LRRK1: variants seen among roughly 807,000 people sequenced by gnomAD.
LRRK1 encodes the protein leucine-rich repeat serine/threonine-protein kinase 1.
A neutral mutation model predicts 209.1 loss-of-function variants in LRRK1; 113 were observed. The ratio of observed to expected loss-of-function variants is 0.54; its 90% CI spans 0.46 to 0.63. LRRK1 has a LOEUF of 0.63. LRRK1 is among the 30% of genes least tolerant of loss of function. The probability of loss-of-function intolerance (pLI) is 0.00; values close to 1 mark genes in which losing one functional copy is unlikely to be tolerated. For synonymous variants in LRRK1, 1,144 were observed against 1,099.7 expected, an observed-to-expected ratio of 1.04 and a Z score of -0.80; for missense variants, 2,284 against 2,632.2, an observed-to-expected ratio of 0.87 and a Z score of 2.89.
chr15:101,022,336 G>C lies in LRRK1; in HGVS notation c.1853-47G>C, dbSNP rs1376122744. ...CAGGATTTTGTGTCCTAAGAGATGTGAGCATGTGCCCACGCAGCTACCCTT... is the reference window on the plus strand; with the variant it reads ...CAGGATTTTGTGTCCTAAGAGATGTCAGCATGTGCCCACGCAGCTACCCTT... On this transcript the variant is annotated intron_variant, in intron 14 of 33. Coordinates refer to ENST00000388948, the MANE Select transcript of LRRK1 (RefSeq NM_024652.6). The surrounding 1 kb of genome is among the most constrained non-coding windows in gnomAD (Gnocchi z 4.0). 6.4e-7 allele frequency: 1 copy of C among 1,556,794 alleles called. No individual in the cohort carries two copies. The highest frequency in any genetic ancestry group is 1.4e-5 in the African/African-American group (1 of 73,934).
Position 101,069,544 on chromosome 15 carries a change from C to CA in LRRK1, c.*697dup, listed in dbSNP as rs1181179436. On this transcript the variant is annotated 3_prime_UTR_variant, in exon 34 of 34. Coordinates refer to ENST00000388948, the MANE Select transcript of LRRK1 (RefSeq NM_024652.6). ...TCCGAGTGCACCCGCTTAGCCTTTACATTCCTCTCCACCGACAAAAGGAAG... is the reference window on the plus strand; with the variant it reads ...TCCGAGTGCACCCGCTTAGCCTTTACAATTCCTCTCCACCGACAAAAGGAAG... 6.6e-6 allele frequency: 1 copy of CA among 152,670 alleles called. No individual in the cohort carries two copies. The allele number at this position is 152,670 out of a possible 1,614,324, so 9.5% of individuals were successfully genotyped here.
chr15:100,941,472 G>GTCTGTGTGTGTCTATGTC (rs1567191284), intron 2 of LRRK1, among the ~76,000 whole-genome samples: 1 of 145,788 alleles, frequency 6.9e-6, no homozygotes, highest in African/African-American at 2.6e-5. Flanking sequence ...CTCTGTGTGT[G>GTCTGTGTGTGTCTATGTC]TGTGTGTGTG....
chr15:100,941,456 C>CTGTGTG (rs1567191180), intron 2 of LRRK1, among the ~76,000 whole-genome samples: 7 of 5,656 alleles, frequency 1.2e-3, no homozygotes, highest in Admixed American at 2.9e-3. Context: ...CTGTGTGTGT[C>CTGTGTG]TATGTCTCTG....
chr15:100,997,502 G>A lies in LRRK1; in HGVS notation c.762+8104G>A, dbSNP rs148183020. Among the ~76,000 whole-genome samples the A allele has an allele frequency of 2.8e-3, 422 of 152,224 alleles. 4 individuals are homozygous for A. Among genetic ancestry groups the A allele is most frequent in the African/African-American group, 9.0e-3 (373 of 41,544 alleles). On this transcript the variant is annotated intron_variant, in intron 6 of 33. Transcript: ENST00000388948. Reference sequence around the variant, plus strand: ...GTTAATTTACATATAAGAAAACACTGGCAGTAAATCATGGCATGGAAACAT... The same window carrying A: ...GTTAATTTACATATAAGAAAACACTAGCAGTAAATCATGGCATGGAAACAT...
intron 2 of LRRK1, among the ~76,000 whole-genome samples, chr15:100,950,914 T>C (rs187597727): frequency 0.015 from 2,286 of 152,130 alleles, 44 homozygotes; most frequent in African/African-American, 0.041. Context: ...CCATCCTGGC[T>C]AACACGGTGA....
chr15:100,997,091 G>GATATAGATATA (rs2032455511), intron 6 of LRRK1, among the ~76,000 whole-genome samples: 1 of 130,156 alleles, frequency 7.7e-6, no homozygotes, highest in Admixed American at 7.9e-5. Context: ...CATATCTATA[G>GATATAGATATA]ATCTTATATC....
chr15:100,980,413 G>A (rs560024730), intron 3 of LRRK1, among the ~76,000 whole-genome samples: 145 of 152,304 alleles, frequency 9.5e-4, no homozygotes, highest in African/African-American at 3.4e-3. Context: ...TAGAGATGGT[G>A]AAAAGGAAGA....
chr15:100,969,187 G>T (rs2030694862), intron 2 of LRRK1, among the ~76,000 whole-genome samples: 1 of 152,096 alleles, frequency 6.6e-6, no homozygotes, highest in South Asian at 2.1e-4. Context: ...GGAGTTATAC[G>T]AGTTTTTATA....
At chr15:101,050,162 T>G (rs947580499) in intron 23 of LRRK1, among the ~76,000 whole-genome samples, 1 of 152,124 alleles carries the variant, frequency 6.6e-6, no homozygotes, top group Non-Finnish European at 1.5e-5. Flanking sequence ...AGCCGGCAGA[T>G]GGAAATTTAT....
In LRRK1 at chr15:101,057,004, G is replaced by C. The variant is rs775480216; in HGVS notation, c.4481G>C (p.Arg1494Pro). 5 of 1,613,798 alleles carry C rather than the reference G, an allele frequency of 3.1e-6. No homozygotes were observed. The African/African-American group carries it at 5.3e-5, about 17-fold the overall frequency. The change falls in exon 28 of 34, where the codon CGA (arginine) becomes CCA (proline). Residue 1494 changes from arginine to proline, a missense_variant. Physicochemically the swap from Arg to Pro is moderately radical, Grantham distance 103 (BLOSUM62 -2). This residue lies in a region of LRRK1 where 643 missense variants were observed against 695.9 expected (regional missense o/e 0.92). Transcript: ENST00000388948. ...CAGCCGGAGGAAGTGCAGTTCCGGC[G>C]ACTGCAGGCGCTCATGATGGAGTGC... Reference protein sequence around the residue: ...LGQPEEVQFRRLQALMMECWD... With the variant: ...LGQPEEVQFRPLQALMMECWD...
intron 5 of LRRK1, among the ~76,000 whole-genome samples, 173 bp downstream of exon 5, chr15:100,988,986 C>T (rs12910713): frequency 0.12 from 17,865 of 152,314 alleles, 1,110 homozygotes; most frequent in African/African-American, 0.14. Flanking sequence ...TTCCTCATTT[C>T]CTCCTTACTT....
At chr15:100,966,626 C>T (rs574491059) in intron 2 of LRRK1, among the ~76,000 whole-genome samples, 2 of 152,298 alleles carry the variant, frequency 1.3e-5, no homozygotes, top group Non-Finnish European at 2.9e-5. Context: ...TAAATGCATA[C>T]GCATTAACTG....
At position 100,943,559 on chromosome 15, in the gene LRRK1, A is replaced by G. The variant is rs557291990; in HGVS notation, c.97+18830A>G. Among the ~76,000 whole-genome samples, 11 of 151,946 alleles carry G rather than the reference A, an allele frequency of 7.2e-5. No homozygotes were observed. The South Asian group carries it at 1.7e-3, about 23-fold the overall frequency. On this transcript the variant is annotated intron_variant, in intron 2 of 33. Coordinates refer to ENST00000388948, the MANE Select transcript of LRRK1 (RefSeq NM_024652.6). ...TAGCTTTAGGAAGTTACAAAGATAA[A>G]CTATCAGAAACTTACTGAATTGGAT... is the stretch of plus-strand genomic sequence containing the variant.
intron 13 of LRRK1, 73 bp from the exon 14 acceptor site, chr15:101,021,772 G>A: frequency 1.1e-6 from 1 of 888,524 alleles, no homozygotes; most frequent in Non-Finnish European, 1.7e-6. Context: ...AGCCACGTGT[G>A]TGCGTGTGTG....
chr15:100,976,700 GA>G (rs1285774134), intron 3 of LRRK1, among the ~76,000 whole-genome samples: 1 of 151,884 alleles, frequency 6.6e-6, no homozygotes, highest in Non-Finnish European at 1.5e-5. Flanking sequence ...AGATTTACTT[GA>G]AAAAAAATTA....
intron 20 of LRRK1, among the ~76,000 whole-genome samples, chr15:101,038,102 A>C (rs369377746): frequency 1.3e-5 from 2 of 152,266 alleles, no homozygotes; most frequent in African/African-American, 4.8e-5. Flanking sequence ...CATTATTGTA[A>C]GTGAAGTAAC....
chr15:100,949,493 A>G (rs1413169024), intron 2 of LRRK1, among the ~76,000 whole-genome samples: 1 of 152,226 alleles, frequency 6.6e-6, no homozygotes, highest in East Asian at 1.9e-4. Context: ...CTTCCAAACA[A>G]TAAAATATGG....
chr15:101,010,465 C>T lies in LRRK1; in HGVS notation c.1005C>T (p.Asp335=). 1 of 1,611,382 alleles carries T rather than the reference C, an allele frequency of 6.2e-7. No homozygotes were observed. The highest frequency in any genetic ancestry group is 8.5e-7 in the Non-Finnish European group (1 of 1,179,276). ...TCCATCGCAGGCTACTTGAAATTGA[C>T]ATTTCCAGCAACAAGTTGTCCCACC... ...EIICSRLLEI[D]ISSNKLSHLP... is the part of the protein sequence containing the mutation. The change falls in exon 8 of 34, where the codon GAC becomes GAT. Residue 335 remains aspartate (D), a synonymous_variant. Transcript: ENST00000388948.
Position 101,051,794 on chromosome 15 carries a change from C to T in LRRK1, c.3523C>T (p.His1175Tyr). 1 of 1,614,088 alleles carries T rather than the reference C, an allele frequency of 6.2e-7. No individual in the cohort carries two copies. Among genetic ancestry groups the T allele is most frequent in the Non-Finnish European group, 8.5e-7 (1 of 1,180,028 alleles). ...CPVCETAWAQHTDPSEKSEDV... is the reference protein window; with the variant it reads ...CPVCETAWAQYTDPSEKSEDV... The stretch of plus-strand genomic sequence containing the variant: ...GGTCTGCGAGACAGCCTGGGCCCAG[C>T]ACACGGACCCCAGTGAGAAATCAGA... Residue 1175 changes from histidine (H) to tyrosine (Y), a missense_variant, in exon 24 of 34, where the codon CAC becomes TAC. Transcript: ENST00000388948.
Sources: gnomAD v4.1 joint callset for allele counts (sites outside exome capture counted in the v4.1 genomes callset) on GRCh38, gnomAD v4.1.1 for gene constraint, gnomAD v4.1.1 regional missense constraint, Gnocchi (gnomAD v3.1) non-coding constraint, MANE v1.5 for transcripts, NCBI Gene and HGNC (gene_info 2026-07-23, HGNC 2026-07-21) for gene names.